The following MYO5B variants were observed in gnomAD, a reference collection of about 807,000 sequenced individuals.
The protein encoded by MYO5B is unconventional myosin-Vb.
In MYO5B, 143 loss-of-function variants were observed where a neutral mutation model predicts 229.3. The ratio of observed to expected loss-of-function variants is 0.62; its 90% CI spans 0.54 to 0.72. The LOEUF is 0.72. Among genes scored for constraint, MYO5B ranks in the 30% least tolerant of loss-of-function variants. MYO5B has a pLI of 0.00. For missense variants in MYO5B, 2,321 were observed against 2,331.0 expected (o/e 1.00, Z 0.09); for synonymous variants, 918 against 885.2 (o/e 1.04, Z -0.66).
At chr18:50,193,223 G>A (rs1372748188) in intron 1 of MYO5B, among the ~76,000 whole-genome samples, 2 of 152,218 alleles carry the variant, frequency 1.3e-5, no homozygotes, top group African/African-American at 2.4e-5. Flanking sequence ...GAGGGGTGGG[G>A]TGCCGTTCCA....
chr18:50,057,081 T>A (rs550394433), intron 1 of MYO5B, among the ~76,000 whole-genome samples: 4 of 152,096 alleles, frequency 2.6e-5, no homozygotes, highest in Non-Finnish European at 5.9e-5. Flanking sequence ...AGCTCCAGAG[T>A]AAAATATAAG....
intron 14 of MYO5B, among the ~76,000 whole-genome samples, chr18:49,947,101 C>CTTT (rs74176748): frequency 0.14 from 15,521 of 107,996 alleles, 1,647 homozygotes; most frequent in Middle Eastern, 0.23. Context: ...TCACCAAGCT[C>CTTT]TTTTTTTTTT....
intron 2 of MYO5B, among the ~76,000 whole-genome samples, chr18:50,041,373 G>T (rs1327106212): frequency 6.6e-6 from 1 of 152,088 alleles, no homozygotes; most frequent in African/African-American, 2.4e-5. Context: ...AAATATCAAT[G>T]TTCCTCTCAC....
At chr18:49,886,797 C>T (rs1374116784) in intron 22 of MYO5B, among the ~76,000 whole-genome samples, 1 of 152,060 alleles carries the variant, frequency 6.6e-6, no homozygotes, top group Non-Finnish European at 1.5e-5. Flanking sequence ...TAGAGGCACC[C>T]ACTCACCAAG....
At chr18:49,875,501 C>T (rs2024508815) in intron 26 of MYO5B, among the ~76,000 whole-genome samples, 186 bp downstream of exon 26, 1 of 152,168 alleles carries the variant, frequency 6.6e-6, no homozygotes, top group Admixed American at 6.5e-5. Context: ...TACTCCTGTT[C>T]AGCTGGGCGG....
Position 49,864,339 on chromosome 18 carries a change from G to GTCAT in MYO5B, c.3641_3644dup (p.Asp1215GlufsTer2). 6.2e-7 allele frequency: 1 copy of GTCAT among 1,614,032 alleles called. No individual in the cohort carries two copies. The highest frequency in any genetic ancestry group is 8.5e-7 in the Non-Finnish European group (1 of 1,180,054). ...CCACGGCTTTCCTCAGCTCATTCAG[G>GTCAT]TCATTCTTCAGCTTTTTGTTCTCTG... On this transcript the variant is annotated stop_gained and frameshift_variant, in exon 28 of 40. Coordinates refer to ENST00000285039, the MANE Select transcript of MYO5B (RefSeq NM_001080467.3). LOFTEE classifies it high-confidence loss of function.
intron 7 of MYO5B, among the ~76,000 whole-genome samples, chr18:49,988,264 A>C (rs2025892819): frequency 6.6e-6 from 1 of 152,210 alleles, no homozygotes; most frequent in Non-Finnish European, 1.5e-5. Flanking sequence ...TAGGGTTATT[A>C]GTGGACCTAA....
chr18:50,158,358 A>T (rs572513652), intron 1 of MYO5B, among the ~76,000 whole-genome samples: 5 of 152,336 alleles, frequency 3.3e-5, no homozygotes, highest in African/African-American at 1.2e-4. Context: ...CCACTCTTTC[A>T]TATACCTAAT....
chr18:50,084,580 T>TA (rs2031290503), intron 1 of MYO5B, among the ~76,000 whole-genome samples: 1 of 152,074 alleles, frequency 6.6e-6, no homozygotes, highest in Non-Finnish European at 1.5e-5. Context: ...AATTTGTTTC[T>TA]AGTTGGGAAG....
At chr18:50,134,615 AG>A (rs1408267621) in intron 1 of MYO5B, among the ~76,000 whole-genome samples, 1 of 151,800 alleles carries the variant, frequency 6.6e-6, no homozygotes, top group East Asian at 1.9e-4. Context: ...AGCAGCCTCA[AG>A]GGTTAGTATT....
chr18:50,087,184 C>T (rs921879938), intron 1 of MYO5B, among the ~76,000 whole-genome samples: 21 of 152,132 alleles, frequency 1.4e-4, no homozygotes, highest in African/African-American at 3.9e-4. Context: ...GGTAGGACTT[C>T]GATGTTTGCC....
At chr18:49,849,934 T>A in intron 31 of MYO5B, 1 of 464,320 alleles carries the variant, frequency 2.2e-6, no homozygotes, top group Non-Finnish European at 4.0e-6. Context: ...ATCCCAAGCC[T>A]CCCCAAGCCA....
chr18:50,136,804 G>T (rs778320837), intron 1 of MYO5B, among the ~76,000 whole-genome samples: 1 of 152,150 alleles, frequency 6.6e-6, no homozygotes, highest in African/African-American at 2.4e-5. Context: ...TAGCAAAGAT[G>T]AAAGAAAACG....
chr18:50,080,725 C>T (rs778062143), intron 1 of MYO5B, among the ~76,000 whole-genome samples: 7 of 152,150 alleles, frequency 4.6e-5, no homozygotes, highest in African/African-American at 1.4e-4. Flanking sequence ...TTGCTATGTA[C>T]GAAGGATGGT....
intron 1 of MYO5B, among the ~76,000 whole-genome samples, chr18:50,127,802 C>G (rs957581551): frequency 6.6e-6 from 1 of 152,204 alleles, no homozygotes; most frequent in African/African-American, 2.4e-5. Context: ...CTGAGTCAGT[C>G]GACTGAGTAA....
At chr18:49,921,601 G>A (rs955107084) in intron 17 of MYO5B, among the ~76,000 whole-genome samples, 3 of 152,182 alleles carry the variant, frequency 2.0e-5, no homozygotes, top group Non-Finnish European at 4.4e-5. Context: ...AAAATAGACC[G>A]GTATAGGGAA....
chr18:50,173,090 C>G (rs564804301), intron 1 of MYO5B, among the ~76,000 whole-genome samples: 20 of 152,176 alleles, frequency 1.3e-4, no homozygotes, highest in African/African-American at 4.8e-4. Context: ...ACGGCGAACC[C>G]CGTCGCTACT....
intron 1 of MYO5B, among the ~76,000 whole-genome samples, chr18:50,149,600 A>G (rs1224551390): frequency 1.3e-5 from 2 of 149,626 alleles, no homozygotes; most frequent in African/African-American, 4.9e-5. Context: ...TTCCCTATTT[A>G]ATAAATGGTG....
At chr18:50,194,198 C>T (rs2033266977) in intron 1 of MYO5B, among the ~76,000 whole-genome samples, 1 of 152,360 alleles carries the variant, frequency 6.6e-6, no homozygotes, top group South Asian at 2.1e-4. Context: ...GCCGCCGCGC[C>T]CTCACGCCAG....
Sources: allele counts gnomAD v4.1 joint callset (sites outside exome capture counted in the v4.1 genomes callset), GRCh38; gene constraint gnomAD v4.1.1; transcripts MANE v1.5; gene names NCBI Gene and HGNC (gene_info 2026-07-23, HGNC 2026-07-21).